SORCS1: variants seen among roughly 807,000 people sequenced by gnomAD.
The protein encoded by SORCS1 is sortilin related VPS10 domain containing receptor 1.
In SORCS1, 60 loss-of-function variants were observed where a neutral mutation model predicts 146.1. That is an observed-to-expected ratio of 0.41 (90% CI 0.33 to 0.51). The LOEUF is 0.51. Among genes scored for constraint, SORCS1 ranks in the 20% least tolerant of loss-of-function variants. The pLI is 0.21. For missense variants in SORCS1, 1,352 were observed against 1,487.6 expected (o/e 0.91, Z 1.50); for synonymous variants, 637 against 584.0 (o/e 1.09, Z -1.31).
chr10:106,802,966 G>C (rs754240467), intron 3 of SORCS1, among the ~76,000 whole-genome samples: 3 of 152,142 alleles, frequency 2.0e-5, no homozygotes, highest in Non-Finnish European at 2.9e-5. Context: ...TCGTTAAAAT[G>C]CTGGCTCAAG....
rs1375823020 is a variant in SORCS1, at chr10:106,574,544, C to T, written c.*2876G>A. 6.6e-6 allele frequency: 1 copy of T among 152,586 alleles called. No homozygotes were observed. Among genetic ancestry groups the T allele is most frequent in the Non-Finnish European group, 1.5e-5 (1 of 68,044 alleles). The allele number at this position is 152,586 out of a possible 1,614,324, so 9.5% of individuals were successfully genotyped here. A position where few individuals can be genotyped will look rare whatever the true frequency, so the allele number is the denominator to read the frequency against. On this transcript the variant is annotated 3_prime_UTR_variant, in exon 26 of 26. Coordinates refer to ENST00000263054, the MANE Select transcript of SORCS1 (RefSeq NM_052918.5). ...GGTTCTCAAACTTTAGTATGTATCA[C>T]AATCACTGGGAGGGCTTGTTAAAAT... is the stretch of plus-strand genomic sequence containing the variant.
intron 2 of SORCS1, among the ~76,000 whole-genome samples, chr10:106,836,184 T>C (rs909289538): frequency 6.6e-6 from 1 of 151,800 alleles, no homozygotes; most frequent in Non-Finnish European, 1.5e-5. Context: ...CTACAGAACT[T>C]GGGAGGTGCG....
chr10:106,947,855 A>C (rs1279429909), intron 2 of SORCS1, among the ~76,000 whole-genome samples: 2 of 152,144 alleles, frequency 1.3e-5, no homozygotes, highest in Non-Finnish European at 2.9e-5. Flanking sequence ...AAAAAAGAGA[A>C]AAAGAAACTA....
intron 1 of SORCS1, among the ~76,000 whole-genome samples, chr10:107,103,202 G>C (rs10787010): frequency 6.6e-6 from 1 of 151,976 alleles, no homozygotes; most frequent in Non-Finnish European, 1.5e-5. Flanking sequence ...CAAGCAGAGA[G>C]AGAGTTGGAT....
intron 11 of SORCS1, 140 bp from the exon 12 acceptor site, chr10:106,679,472 G>A (rs1852279504): frequency 2.1e-6 from 2 of 934,082 alleles, no homozygotes; most frequent in African/African-American, 3.3e-5. Context: ...ACTTGCTTCA[G>A]GTCCAATGGT....
At chr10:106,958,715 C>T (rs896671208) in intron 1 of SORCS1, among the ~76,000 whole-genome samples, 1 of 151,996 alleles carries the variant, frequency 6.6e-6, no homozygotes, top group Non-Finnish European at 1.5e-5. Flanking sequence ...GTGTGAGGTG[C>T]GGGGCACCCC....
intron 1 of SORCS1, among the ~76,000 whole-genome samples, chr10:107,099,189 A>G (rs886346399): frequency 6.6e-6 from 1 of 152,218 alleles, no homozygotes; most frequent in Non-Finnish European, 1.5e-5. Flanking sequence ...TTGGCAGATA[A>G]AAGTTTTTCA....
intron 4 of SORCS1, among the ~76,000 whole-genome samples, chr10:106,761,984 G>C (rs752618027): frequency 6.6e-5 from 10 of 152,234 alleles, no homozygotes; most frequent in Non-Finnish European, 8.8e-5. Context: ...TGTGCCACTT[G>C]ACCTAGCATG....
intron 17 of SORCS1, among the ~76,000 whole-genome samples, chr10:106,658,718 T>C (rs1210404199): frequency 6.6e-6 from 1 of 152,168 alleles, no homozygotes; most frequent in Non-Finnish European, 1.5e-5. Flanking sequence ...CTATATGTGT[T>C]ATGTTCATGT....
chr10:107,028,222 G>A (rs980230240), intron 1 of SORCS1, among the ~76,000 whole-genome samples: 25 of 152,096 alleles, frequency 1.6e-4, no homozygotes, highest in South Asian at 4.1e-4. Context: ...GAATTCCAGC[G>A]TTTACACTAA....
At chr10:107,117,369 C>A (rs669061) in intron 1 of SORCS1, among the ~76,000 whole-genome samples, 80,701 of 151,974 alleles carry the variant, frequency 0.53, 22,238 homozygotes, top group African/African-American at 0.69. Context: ...CCCGGAAGGC[C>A]ATTCAGAGAC....
At chr10:106,974,557 G>T (rs1057325575) in intron 1 of SORCS1, among the ~76,000 whole-genome samples, 4 of 152,134 alleles carry the variant, frequency 2.6e-5, no homozygotes, top group Non-Finnish European at 4.4e-5. Context: ...AAGGATGCAG[G>T]GTGACCTTCA....
chr10:106,928,330 C>G (rs1174697450), intron 2 of SORCS1, among the ~76,000 whole-genome samples: 1 of 152,210 alleles, frequency 6.6e-6, no homozygotes, highest in Admixed American at 6.5e-5. Context: ...GTACACCCTC[C>G]GCAGCCGCTG....
At chr10:106,718,310 T>C (rs1222498916) in intron 6 of SORCS1, among the ~76,000 whole-genome samples, 2 of 152,200 alleles carry the variant, frequency 1.3e-5, no homozygotes, top group African/African-American at 2.4e-5. Context: ...GCACATCACA[T>C]AACTTTCTGT....
At chr10:106,918,266 T>C (rs1055581064) in intron 2 of SORCS1, among the ~76,000 whole-genome samples, 2 of 152,174 alleles carry the variant, frequency 1.3e-5, no homozygotes, top group African/African-American at 4.8e-5. Flanking sequence ...GTTCACGCCA[T>C]TCTCCTGCCT....
intron 4 of SORCS1, among the ~76,000 whole-genome samples, chr10:106,767,449 G>T (rs1859659306): frequency 6.6e-6 from 1 of 152,084 alleles, no homozygotes; most frequent in Non-Finnish European, 1.5e-5. Flanking sequence ...ATAGGAAAAT[G>T]ATAAGATAAA....
chr10:106,868,702 A>G (rs1950305909), intron 2 of SORCS1, among the ~76,000 whole-genome samples: 1 of 152,216 alleles, frequency 6.6e-6, no homozygotes, highest in Admixed American at 6.5e-5. Context: ...TAGTGTTAAG[A>G]AAGACATTAA....
rs556986139 is a variant in SORCS1 at position 107,006,414 on chromosome 10, A to G, written c.559-49834T>C. Among the ~76,000 whole-genome samples the G allele has an allele frequency of 3.9e-5, 6 of 152,380 alleles. No homozygotes were observed. The South Asian group carries it at 6.2e-4, about 16-fold the overall frequency. On this transcript the variant is annotated intron_variant, in intron 1 of 25. Coordinates refer to ENST00000263054, the MANE Select transcript of SORCS1 (RefSeq NM_052918.5). ...ATGGCACAGGGAAACACTATTTAAT[A>G]TAAGTAATGAACAGGTGAAAGAACC...
Position 106,960,029 on chromosome 10 carries a change from C to A in SORCS1, c.559-3449G>T, listed in dbSNP as rs1955147343. Among the ~76,000 whole-genome samples, 1 of 152,144 alleles carries A rather than the reference C, an allele frequency of 6.6e-6. No homozygotes were observed. Among genetic ancestry groups the A allele is most frequent in the Non-Finnish European group, 1.5e-5 (1 of 68,034 alleles). On this transcript the variant is annotated intron_variant, in intron 1 of 25. Coordinates refer to ENST00000263054, the MANE Select transcript of SORCS1 (RefSeq NM_052918.5). The surrounding 1 kb of genome is among the most constrained non-coding windows in gnomAD (Gnocchi z 4.4). Reference sequence around the variant, plus strand: ...ATACCCCCACACAAAGTGGCATATCCATCAGCACCCCATTTATTTCTGTAT... The same window carrying A: ...ATACCCCCACACAAAGTGGCATATCAATCAGCACCCCATTTATTTCTGTAT...
Sources: allele counts gnomAD v4.1 joint callset (sites outside exome capture counted in the v4.1 genomes callset), GRCh38; gene constraint gnomAD v4.1.1; non-coding constraint Gnocchi (gnomAD v3.1); transcripts MANE v1.5; gene names NCBI Gene and HGNC (gene_info 2026-07-23, HGNC 2026-07-21).